Variants in EPB41 observed in about 807,000 individuals in gnomAD.
The protein encoded by EPB41 is protein 4.1.
Under a neutral mutation model 108.0 loss-of-function variants are expected in EPB41, and 65 were observed. The ratio of observed to expected loss-of-function variants is 0.60; its 90% CI spans 0.49 to 0.74. The LOEUF (loss-of-function observed/expected upper bound fraction) is 0.74. Ranked by LOEUF, EPB41 falls within the 30% of genes least tolerant of loss-of-function variation. EPB41 has a pLI of 0.00. For synonymous variants in EPB41, 336 were observed against 358.9 expected (o/e 0.94, Z 0.72); for missense variants, 875 against 1,037.0 (o/e 0.84, Z 2.15).
Position 28,997,338 on chromosome 1 carries a change from A to G in EPB41, c.786+19A>G, listed in dbSNP as rs774386299. ...CTCTAAGGTGAGGAGACTGCTTGCA[A>G]TTTAAGAAGCTGACAAAAAATTTAT... On this transcript the variant is annotated intron_variant, in intron 4 of 20. Transcript: ENST00000343067. 1 of 1,470,528 alleles carries G rather than the reference A, an allele frequency of 6.8e-7. No individual in the cohort carries two copies. The highest frequency in any genetic ancestry group is 1.1e-5 in the South Asian group (1 of 88,114). The allele number at this position is 1,470,528 out of a possible 1,614,324, so 91.1% of individuals were successfully genotyped here.
chr1:29,070,486 C>T, intron 16 of EPB41: 1 of 1,232,124 alleles, frequency 8.1e-7, no homozygotes. Flanking sequence ...CTATTCCAAT[C>T]CCTGAGGATC....
intron 10 of EPB41, among the ~76,000 whole-genome samples, chr1:29,036,919 A>T (rs1359463766): frequency 1.3e-5 from 2 of 151,660 alleles, no homozygotes; most frequent in African/African-American, 4.9e-5. Flanking sequence ...TGACCTCATG[A>T]TCTGCCCACC....
chr1:28,902,479 TG>T, intron 1 of EPB41: 1 of 736,982 alleles, frequency 1.4e-6, no homozygotes, highest in Non-Finnish European at 1.7e-6. Flanking sequence ...GAGCCAGGCT[TG>T]GAGCAGCTTC....
intron 1 of EPB41, among the ~76,000 whole-genome samples, chr1:28,971,081 C>T (rs1250809924): frequency 6.6e-6 from 1 of 151,612 alleles, no homozygotes; most frequent in Non-Finnish European, 1.5e-5. Context: ...CTCTTGACCT[C>T]ATGTGATCTG....
At chr1:29,092,864 T>G (rs1039461596) in intron 16 of EPB41, among the ~76,000 whole-genome samples, 2 of 152,184 alleles carry the variant, frequency 1.3e-5, no homozygotes, top group African/African-American at 4.8e-5. Flanking sequence ...CCATCTGTGT[T>G]CCTGCAAAGG....
intron 17 of EPB41, among the ~76,000 whole-genome samples, chr1:29,104,600 T>C (rs1219013511): frequency 1.3e-5 from 2 of 151,996 alleles, no homozygotes; most frequent in African/African-American, 4.8e-5. Flanking sequence ...TTTTTTTTTT[T>C]CGAGACGGAG....
intron 4 of EPB41, among the ~76,000 whole-genome samples, chr1:29,003,333 CAG>C (rs1443043893): frequency 6.6e-6 from 1 of 152,214 alleles, no homozygotes; most frequent in East Asian, 1.9e-4. Flanking sequence ...CACAGCGTGA[CAG>C]AGTGAGTAAA....
Position 29,039,362 on chromosome 1 carries a change from T to C in EPB41, c.1572T>C (p.Ile524=). Residue 524 remains isoleucine, a synonymous_variant, in exon 11 of 21, where the codon ATT becomes ATC. Transcript: ENST00000343067. ...AGACCAGGCAAGCTAGTGCTCTAAT[T>C]GACAGGCCTGCCCCACACTTCGAGC... ...QAQTRQASAL[I]DRPAPHFERT... The C allele has an allele frequency of 6.2e-7, 1 of 1,614,130 alleles. No homozygotes were observed. Among genetic ancestry groups the C allele is most frequent in the South Asian group, 1.1e-5 (1 of 91,078 alleles).
intron 5 of EPB41, among the ~76,000 whole-genome samples, chr1:29,014,478 A>G (rs1464002607): frequency 6.6e-6 from 1 of 152,060 alleles, no homozygotes; most frequent in Non-Finnish European, 1.5e-5. Context: ...TGTCCTAGTC[A>G]TGCAGTTTTC....
At chr1:29,033,049 A>G in intron 8 of EPB41, 44 bp from the exon 9 acceptor site, 1 of 1,587,914 alleles carries the variant, frequency 6.3e-7, no homozygotes, top group Non-Finnish European at 8.6e-7. Context: ...CAGTGTATTG[A>G]GTACTTTGCT....
chr1:29,006,232 G>T (rs958042439), intron 4 of EPB41, among the ~76,000 whole-genome samples: 3 of 136,916 alleles, frequency 2.2e-5, no homozygotes, highest in Non-Finnish European at 4.7e-5. Context: ...ACATCCCAAA[G>T]AATTTTTTTT....
chr1:29,052,680 G>A (rs1298036764), intron 11 of EPB41, among the ~76,000 whole-genome samples: 1 of 151,986 alleles, frequency 6.6e-6, no homozygotes, highest in Non-Finnish European at 1.5e-5. Context: ...ATATTTTTAG[G>A]TTCCTGAAAT....
intron 8 of EPB41, among the ~76,000 whole-genome samples, chr1:29,030,755 G>A (rs1323809421): frequency 4.0e-5 from 6 of 151,032 alleles, no homozygotes; most frequent in Non-Finnish European, 7.4e-5. Flanking sequence ...CAGCCCTGGC[G>A]ACAGAGCAAG....
chr1:28,946,814 G>A (rs1179398559), intron 1 of EPB41, among the ~76,000 whole-genome samples: 1 of 152,130 alleles, frequency 6.6e-6, no homozygotes, highest in African/African-American at 2.4e-5. Context: ...TCACTGGTCT[G>A]GTTCATGCTG....
intron 16 of EPB41, among the ~76,000 whole-genome samples, chr1:29,076,907 T>TA (rs1654313832): frequency 6.6e-6 from 1 of 152,062 alleles, no homozygotes; most frequent in Non-Finnish European, 1.5e-5. Flanking sequence ...ACACTGTCTC[T>TA]AAAAAAATTT....
At chr1:29,114,361 G>A (rs570187) in intron 19 of EPB41, among the ~76,000 whole-genome samples, 16,703 of 152,194 alleles carry the variant, frequency 0.11, 1,145 homozygotes, top group African/African-American at 0.2. Context: ...CCTATTGCAC[G>A]GCTGGGTGCG....
In EPB41 at chr1:28,901,217, CTG is replaced by C. The variant is rs2091278700; in HGVS notation, c.-8+14008_-8+14009del. On this transcript the variant is annotated intron_variant, in intron 1 of 16. Transcript: ENST00000347529. ...GTGCTGGGATTACAGGCGTGAGCCA[CTG>C]CACCCGGCTATTTATTTACTTTTTG... Among the ~76,000 whole-genome samples, 8 of 147,510 alleles carry C rather than the reference CTG, an allele frequency of 5.4e-5. No individual in the cohort carries two copies. The East Asian group carries it at 8.9e-4, about 16-fold the overall frequency.
At chr1:29,026,329 G>A (rs1011458277) in intron 7 of EPB41, among the ~76,000 whole-genome samples, 6 of 152,144 alleles carry the variant, frequency 3.9e-5, no homozygotes, top group South Asian at 2.1e-4. Context: ...AGGATATTGC[G>A]TTAAAACTGG....
At chr1:29,108,348 A>C (rs1057055855) in intron 17 of EPB41, among the ~76,000 whole-genome samples, 2 of 150,152 alleles carry the variant, frequency 1.3e-5, no homozygotes, top group African/African-American at 2.4e-5. Context: ...GGGTTTCTCC[A>C]TGTTGGTCAT....
Sources: gnomAD v4.1 joint callset for allele counts (sites outside exome capture counted in the v4.1 genomes callset) on GRCh38, gnomAD v4.1.1 for gene constraint, MANE v1.5 for transcripts, NCBI Gene and HGNC (gene_info 2026-07-23, HGNC 2026-07-21) for gene names.